DHX8: variants seen among roughly 807,000 people sequenced by gnomAD.
DHX8 encodes the protein ATP-dependent RNA helicase DHX8.
A neutral mutation model predicts 140.7 loss-of-function variants in DHX8; 67 were observed. The observed-to-expected ratio is 0.48, with a 90% confidence interval of 0.39 to 0.58. DHX8 has a LOEUF of 0.58. DHX8 is among the 20% of genes least tolerant of loss of function. The pLI, the probability that DHX8 is intolerant of heterozygous loss-of-function variation, is 0.00. For synonymous variants in DHX8, 533 were observed against 553.2 expected (o/e 0.96, Z 0.51); for missense variants, 887 against 1,550.7 (o/e 0.57, Z 7.19).
At chr17:43,490,531 A>G (rs761549702) in intron 3 of DHX8, 68 bp downstream of exon 3, 3 of 1,328,956 alleles carry the variant, frequency 2.3e-6, no homozygotes, top group East Asian at 4.7e-5. Flanking sequence ...TGTAAATTGC[A>G]TTTGTTTTCC....
intron 16 of DHX8, among the ~76,000 whole-genome samples, chr17:43,510,206 A>G (rs1969741172): frequency 6.6e-6 from 1 of 151,316 alleles, no homozygotes; most frequent in Non-Finnish European, 1.5e-5. Flanking sequence ...GTGCCACCAC[A>G]CCCGGCTAAT....
intron 15 of DHX8, 103 bp downstream of exon 15, chr17:43,508,122 C>A: frequency 8.1e-7 from 1 of 1,233,684 alleles, no homozygotes; most frequent in Non-Finnish European, 1.1e-6. Context: ...TTAAAAACAA[C>A]TTCTAAATAT....
intron 20 of DHX8, 49 bp from the exon 21 acceptor site, chr17:43,521,320 G>T (rs1483818591): frequency 6.7e-7 from 1 of 1,496,354 alleles, no homozygotes; most frequent in Non-Finnish European, 9.1e-7. Flanking sequence ...TCCATGTTCA[G>T]TTAGTAGCTG....
At chr17:43,531,559 C>T (rs1453951792), downstream of DHX8, among the ~76,000 whole-genome samples, 1 of 152,168 alleles carries the variant, frequency 6.6e-6, no homozygotes, top group African/African-American at 2.4e-5. Context: ...CAAAAACTAG[C>T]TGGGCATGGT....
At chr17:43,489,664 C>G (rs1258527348) in intron 2 of DHX8, 130 bp downstream of exon 2, 2 of 585,138 alleles carry the variant, frequency 3.4e-6, no homozygotes, top group Non-Finnish European at 5.9e-6. Context: ...CACCTCAGCT[C>G]ACTGCAAGCT....
At chr17:43,487,427 C>T (rs1314542613) in intron 1 of DHX8, among the ~76,000 whole-genome samples, 2 of 152,116 alleles carry the variant, frequency 1.3e-5, no homozygotes, top group African/African-American at 4.8e-5. Context: ...GAAAGCATTA[C>T]AGTTTTTTTG....
chr17:43,532,609 G>T, intron 2 of DHX8: 1 of 1,447,532 alleles, frequency 6.9e-7, no homozygotes, highest in Non-Finnish European at 9.3e-7. Flanking sequence ...AAAAAACTCG[G>T]GAGACATTCT....
At chr17:43,532,589 C>A in intron 2 of DHX8, 2 of 1,259,660 alleles carry the variant, frequency 1.6e-6, no homozygotes, top group Non-Finnish European at 1.1e-6. Context: ...AAATGGTAAA[C>A]AGCAATGTAA....
At chr17:43,543,927 C>G (rs1415087092) in intron 3 of DHX8, 1 of 152,016 alleles carries the variant, frequency 6.6e-6, no homozygotes. Context: ...CTTTTTACTC[C>G]GAGCTTCTAT....
intron 2 of DHX8, chr17:43,536,217 TAGTGTCTGCTCTA>T (rs1971236638): frequency 3.3e-6 from 2 of 599,996 alleles, no homozygotes; most frequent in Admixed American, 6.0e-5. Flanking sequence ...ACCAGAGGGA[TAGTGTCTGCTCTA>T]AGGTCACACA....
intron 18 of DHX8, chr17:43,518,427 CAT>C (rs1386771646): frequency 6.6e-6 from 1 of 152,002 alleles, no homozygotes; most frequent in African/African-American, 2.4e-5. Flanking sequence ...GTTTTGTGAA[CAT>C]AGTTTTTACC....
At chr17:43,503,750 A>G (rs1190440523) in intron 11 of DHX8, among the ~76,000 whole-genome samples, 2 of 152,176 alleles carry the variant, frequency 1.3e-5, no homozygotes, top group Non-Finnish European at 2.9e-5. Context: ...ACCCGTAGAC[A>G]TAGAAAGTAG....
intron 3 of DHX8, among the ~76,000 whole-genome samples, chr17:43,542,763 A>G (rs776851244): frequency 2.0e-5 from 3 of 152,024 alleles, no homozygotes; most frequent in Non-Finnish European, 4.4e-5. Flanking sequence ...GCCTCCTCCA[A>G]ATGCTGTCTT....
chr17:43,485,573 G>A (rs541893180), intron 1 of DHX8, among the ~76,000 whole-genome samples: 36 of 152,030 alleles, frequency 2.4e-4, no homozygotes, highest in Non-Finnish European at 3.8e-4. Flanking sequence ...TCGTTAATAT[G>A]TTTCCTTTAT....
downstream of DHX8, chr17:43,526,636 T>C (rs376313997): frequency 6.5e-7 from 1 of 1,532,656 alleles, no homozygotes; most frequent in South Asian, 1.2e-5. Flanking sequence ...CATCTCAGCT[T>C]GTGGAGACCT....
intron 8 of DHX8, 119 bp downstream of exon 8, chr17:43,494,005 C>A: frequency 1.1e-6 from 1 of 945,564 alleles, no homozygotes; most frequent in Non-Finnish European, 1.6e-6. Context: ...AGTCTGTTTT[C>A]ACACTCCTGA....
rs753437233 is a variant in DHX8, at chr17:43,492,913, C to T, written c.736C>T (p.Leu246=). The T allele has an allele frequency of 2.5e-6, 4 of 1,614,124 alleles. No homozygotes were observed. Among genetic ancestry groups the T allele is most frequent in the Non-Finnish European group, 3.4e-6 (4 of 1,180,052 alleles). The part of the protein sequence containing the change: ...KDRDKYGERN[L]DRWRDKHVDR... ...CCGGGACAAATATGGAGAGCGGAAT[C>T]TGGATAGATGGCGGGATAAGCATGT... The change falls in exon 6 of 23, where the codon CTG becomes TTG. Residue 246 remains leucine (L), a synonymous_variant. Coordinates refer to ENST00000262415, the MANE Select transcript of DHX8 (RefSeq NM_004941.3).
chr17:43,531,699 TCAAAA>T (rs1329114186), downstream of DHX8, among the ~76,000 whole-genome samples: 1 of 152,176 alleles, frequency 6.6e-6, no homozygotes, highest in African/African-American at 2.4e-5. Flanking sequence ...AGACTCTGTC[TCAAAA>T]CAAACAAAAC....
chr17:43,509,361 G>A (rs950228844), intron 16 of DHX8, among the ~76,000 whole-genome samples: 22 of 152,158 alleles, frequency 1.4e-4, no homozygotes, highest in African/African-American at 5.3e-4. Context: ...CTGGAACCAA[G>A]TATATGACTG....
Sources: allele counts gnomAD v4.1 joint callset (sites outside exome capture counted in the v4.1 genomes callset), GRCh38; gene constraint gnomAD v4.1.1; transcripts MANE v1.5; gene names NCBI Gene and HGNC (gene_info 2026-07-23, HGNC 2026-07-21).